PDE5A: variants seen among roughly 807,000 people sequenced by gnomAD.
PDE5A encodes the protein cGMP-specific 3',5'-cyclic phosphodiesterase.
PDE5A carries 67 observed loss-of-function variants against 110.2 expected under a neutral mutation model. That is an observed-to-expected ratio of 0.61 (90% confidence interval 0.50 to 0.75). The LOEUF (loss-of-function observed/expected upper bound fraction) is 0.75. PDE5A is among the 30% of genes least tolerant of loss of function. PDE5A has a pLI of 0.00. For synonymous variants in PDE5A, 328 were observed against 351.2 expected (o/e 0.93, Z 0.74); for missense variants, 862 against 1,045.1 (o/e 0.82, Z 2.42).
Position 119,606,909 on chromosome 4 carries a change from A to C in PDE5A, c.541T>G (p.Ser181Ala), listed in dbSNP as rs17051276. 56,816 of 1,614,216 alleles carry C rather than the reference A, an allele frequency of 0.035. 1,194 individuals are homozygous for C. Among genetic ancestry groups the C allele is most frequent in the South Asian group, 0.075 (6,820 of 91,084 alleles). Residue 181 changes from serine to alanine, a missense_variant, in exon 2 of 21, where the codon TCT becomes GCT. By Grantham distance (99) the Ser-to-Ala change is moderately conservative. Coordinates refer to ENST00000354960, the MANE Select transcript of PDE5A (RefSeq NM_001083.4). ...AGGAACAGGGAATAGCGGTCAGCAG[A>C]TATCAGTCCATGGATATGCAAGAAA... Reference protein sequence around the residue: ...KIFLHIHGLISADRYSLFLVC... With the variant: ...KIFLHIHGLIAADRYSLFLVC...
chr4:119,624,665 T>C (rs939146983), intron 1 of PDE5A, among the ~76,000 whole-genome samples: 1 of 152,222 alleles, frequency 6.6e-6, no homozygotes, highest in African/African-American at 2.4e-5. Flanking sequence ...TCCTTAACAA[T>C]ATTAAATGAC....
At chr4:119,514,536 CATA>C in intron 14 of PDE5A, among the ~76,000 whole-genome samples, 1 of 149,996 alleles carries the variant, frequency 6.7e-6, no homozygotes. Flanking sequence ...CATAAATATT[CATA>C]ATGATGATTC....
chr4:119,512,553 GC>G (rs1223790172), intron 14 of PDE5A: 1 of 152,246 alleles, frequency 6.6e-6, no homozygotes, highest in South Asian at 2.1e-4. Flanking sequence ...TAGAGTGGTA[GC>G]AGCCCAAAGG....
intron 3 of PDE5A, among the ~76,000 whole-genome samples, chr4:119,579,264 T>C (rs1274040949): frequency 6.6e-6 from 1 of 152,144 alleles, no homozygotes; most frequent in Non-Finnish European, 1.5e-5. Context: ...GTTCAATCAT[T>C]GTGGAAGTCA....
chr4:119,498,731 G>A lies in PDE5A; in HGVS notation c.2498C>T (p.Thr833Ile). ...AGGGAAACAGTCCTCTGACACGTGGGTCAGGGCCTAAAGAGAAAAAAGAAA... is the reference window on the plus strand; with the variant it reads ...AGGGAAACAGTCCTCTGACACGTGGATCAGGGCCTAAAGAGAAAAAAGAAA... ...AICLQLYEALTHVSEDCFPLL... is the reference protein window; with the variant it reads ...AICLQLYEALIHVSEDCFPLL... Residue 833 changes from threonine to isoleucine, a missense_variant, in exon 21 of 21, where the codon ACC becomes ATC. By Grantham distance (89) the Thr-to-Ile change is moderately conservative. Transcript: ENST00000354960. 1 of 1,613,830 alleles carries A rather than the reference G, an allele frequency of 6.2e-7. No homozygotes were observed. Among genetic ancestry groups the A allele is most frequent in the South Asian group, 1.1e-5 (1 of 91,058 alleles).
In PDE5A at chr4:119,592,023, G is replaced by T. The variant is rs559150841; in HGVS notation, c.831+4500C>A. ...AAATTAGCTGGGTGTGGTGGCGCAC[G>T]CCTGTAGTCCCAGCTACTCAGGAGG... On this transcript the variant is annotated intron_variant, in intron 3 of 20. Transcript: ENST00000354960. Among the ~76,000 whole-genome samples, 5 of 151,538 alleles carry T rather than the reference G, an allele frequency of 3.3e-5. No homozygotes were observed. In the South Asian group the frequency reaches 1.0e-3, roughly 32 times the overall value.
intron 3 of PDE5A, among the ~76,000 whole-genome samples, chr4:119,571,644 T>A (rs1435803338): frequency 2.0e-5 from 3 of 152,220 alleles, no homozygotes; most frequent in African/African-American, 4.8e-5. Flanking sequence ...AAATAATACA[T>A]GTGTGCTATT....
At chr4:119,508,137 A>G (rs533192159) in intron 15 of PDE5A, among the ~76,000 whole-genome samples, 12 of 152,078 alleles carry the variant, frequency 7.9e-5, no homozygotes, top group African/African-American at 2.9e-4. Flanking sequence ...TCTGGTGCAA[A>G]TTTATATAAT....
chr4:119,592,699 C>T (rs933200856), intron 3 of PDE5A, among the ~76,000 whole-genome samples: 2 of 152,060 alleles, frequency 1.3e-5, no homozygotes, highest in Non-Finnish European at 2.9e-5. Context: ...AAAAGTTTCA[C>T]ATTTTGGAGC....
At chr4:119,623,172 T>C (rs1396228301) in intron 1 of PDE5A, among the ~76,000 whole-genome samples, 2 of 152,220 alleles carry the variant, frequency 1.3e-5, no homozygotes, top group Non-Finnish European at 2.9e-5. Context: ...CACAGGCACT[T>C]TTCCCTGAGA....
chr4:119,579,621 A>G, intron 3 of PDE5A, among the ~76,000 whole-genome samples: 1 of 150,668 alleles, frequency 6.6e-6, no homozygotes, highest in Non-Finnish European at 1.5e-5. Flanking sequence ...GTTCTCACTC[A>G]TAGGTGGGAA....
intron 9 of PDE5A, among the ~76,000 whole-genome samples, chr4:119,551,222 C>T (rs1219964005): frequency 6.6e-6 from 1 of 152,162 alleles, no homozygotes; most frequent in East Asian, 1.9e-4. Context: ...ACAGATCTGT[C>T]CCAGAAACAG....
chr4:119,622,878 G>A (rs60094972), intron 1 of PDE5A, among the ~76,000 whole-genome samples: 126,775 of 134,836 alleles, frequency 0.94, 59,738 homozygotes, highest in Non-Finnish European at 0.96. Context: ...AAAAAAAAAA[G>A]AAAGAAAGAA....
chr4:119,628,617 G>C lies in PDE5A; in HGVS notation c.55C>G (p.Gln19Glu). The C allele has an allele frequency of 1.2e-6, 2 of 1,613,948 alleles. No individual in the cohort carries two copies. Among genetic ancestry groups the C allele is most frequent in the Non-Finnish European group, 8.5e-7 (1 of 1,179,902 alleles). Reference protein sequence around the residue: ...GQQRQQQQPQQQKQQQRDQDS... With the variant: ...GQQRQQQQPQEQKQQQRDQDS... Reference sequence around the variant, plus strand: ...TGATCCCTCTGCTGCTGCTTCTGCTGCTGGGGCTGCTGCTGCTGTCGCTGC... The same window carrying C: ...TGATCCCTCTGCTGCTGCTTCTGCTCCTGGGGCTGCTGCTGCTGTCGCTGC... Residue 19 changes from glutamine (Q) to glutamate (E), a missense_variant, in exon 1 of 21, where the codon CAG (glutamine) becomes GAG (glutamate). Coordinates refer to ENST00000354960, the MANE Select transcript of PDE5A (RefSeq NM_001083.4).
Position 119,525,525 on chromosome 4 carries a change from C to G in PDE5A, c.1779+24G>C. On this transcript the variant is annotated intron_variant, in intron 12 of 20. Transcript: ENST00000354960. The surrounding 1 kb of genome is among the most constrained non-coding windows in gnomAD (Gnocchi z 4.3). The stretch of plus-strand genomic sequence containing the variant: ...ACACACACATACACATAGACTTTTC[C>G]AAAGGATGTTGCTGCATTCCTACCT... 1 of 1,608,062 alleles carries G rather than the reference C, an allele frequency of 6.2e-7. No homozygotes were observed.
chr4:119,505,674 C>T (rs1056479632), intron 17 of PDE5A, among the ~76,000 whole-genome samples, 181 bp downstream of exon 17: 2 of 151,886 alleles, frequency 1.3e-5, no homozygotes, highest in Non-Finnish European at 2.9e-5. Flanking sequence ...TTTGCAAATG[C>T]ATTTCTTTTC....
In PDE5A at chr4:119,567,066, TTGGTAC is replaced by T; in HGVS notation, c.903+1_903+6del. ...AATTGGCTCATGTCTGACACAAGTT[TTGGTAC>T]CTTTTCATCTTTTTCAGTAAATGTC... On this transcript the variant is annotated splice_donor_variant and splice_donor_5th_base_variant and intron_variant, in intron 4 of 20. Transcript: ENST00000354960. LOFTEE classifies it high-confidence loss of function. 1 of 1,606,864 alleles carries T rather than the reference TTGGTAC, an allele frequency of 6.2e-7. No homozygotes were observed. Among genetic ancestry groups the T allele is most frequent in the Non-Finnish European group, 8.5e-7 (1 of 1,173,454 alleles).
At chr4:119,565,488 A>C (rs1229648278) in intron 4 of PDE5A, 78 bp from the exon 5 acceptor site, 7 of 929,836 alleles carry the variant, frequency 7.5e-6, no homozygotes, top group Non-Finnish European at 1.2e-5. Flanking sequence ...AGATCCTCAA[A>C]TATTTACAGT....
rs577403245 is a variant in PDE5A, at chr4:119,496,239, G to A, written c.*2362C>T. On this transcript the variant is annotated 3_prime_UTR_variant, in exon 21 of 21. Coordinates refer to ENST00000354960, the MANE Select transcript of PDE5A (RefSeq NM_001083.4). ...GAACAAGAACTTCTTGCTAGTTATG[G>A]GTAATATAAATACAGAGTAAGGTGA... The A allele has an allele frequency of 3.3e-5, 5 of 152,154 alleles. No individual in the cohort carries two copies. The East Asian group carries it at 5.8e-4, about 18-fold the overall frequency. The allele number at this position is 152,154 out of a possible 1,614,324, so 9.4% of individuals were successfully genotyped here. A position where few individuals can be genotyped will look rare whatever the true frequency, so the allele number is the denominator to read the frequency against.
Sources: gnomAD v4.1 joint callset for allele counts (sites outside exome capture counted in the v4.1 genomes callset) on GRCh38, gnomAD v4.1.1 for gene constraint, Gnocchi (gnomAD v3.1) non-coding constraint, MANE v1.5 for transcripts, NCBI Gene and HGNC (gene_info 2026-07-23, HGNC 2026-07-21) for gene names.